UBE2G2: variants seen among roughly 807,000 people sequenced by gnomAD.
UBE2G2 encodes ubiquitin-conjugating enzyme E2 G2.
Under a neutral mutation model 23.0 loss-of-function variants are expected in UBE2G2, and 10 were observed. The ratio of observed to expected loss-of-function variants is 0.43; its 90% confidence interval spans 0.27 to 0.74. The LOEUF (loss-of-function observed/expected upper bound fraction) is 0.74, where lower values mean the gene tolerates loss of function less well. Ranked by LOEUF, UBE2G2 falls within the 30% of genes least tolerant of loss-of-function variation. The pLI, the probability that UBE2G2 is intolerant of heterozygous loss-of-function variation, is 0.19. For missense variants in UBE2G2, 150 were observed against 218.3 expected (o/e 0.69, Z 1.97); for synonymous variants, 86 against 81.3 (o/e 1.06, Z -0.31).
At chr21:44,785,708 G>GT (rs1341818168) in intron 3 of UBE2G2, 1 of 152,242 alleles carries the variant, frequency 6.6e-6, no homozygotes, top group African/African-American at 2.4e-5. Context: ...AAATAGCAGG[G>GT]TGAGACAAAT....
chr21:44,776,495 T>A (rs375429308), intron 4 of UBE2G2, among the ~76,000 whole-genome samples: 1 of 152,230 alleles, frequency 6.6e-6, no homozygotes, highest in South Asian at 2.1e-4. Flanking sequence ...CTACTTTGTA[T>A]CATTGATTCT....
intron 3 of UBE2G2, 81 bp from the exon 4 acceptor site, chr21:44,777,498 AT>A: frequency 1.4e-6 from 2 of 1,432,588 alleles, no homozygotes; most frequent in East Asian, 2.3e-5. Flanking sequence ...GGTTAAGAAC[AT>A]TTTTACCACT....
At chr21:44,794,511 G>A (rs575850299) in intron 1 of UBE2G2, among the ~76,000 whole-genome samples, 208 of 150,294 alleles carry the variant, frequency 1.4e-3, no homozygotes, top group Non-Finnish European at 2.2e-3. Context: ...GAATTTCATC[G>A]AAATAATAAA....
chr21:44,801,792 G>T lies in UBE2G2; in HGVS notation c.-44C>A, dbSNP rs1555964938. The T allele has an allele frequency of 3.3e-6, 5 of 1,502,854 alleles. No homozygotes were observed. The highest frequency in any genetic ancestry group is 2.2e-5 in the Admixed American group (1 of 44,552). The allele number at this position is 1,502,854 out of a possible 1,614,324, so 93.1% of individuals were successfully genotyped here. On this transcript the variant is annotated 5_prime_UTR_variant, in exon 1 of 6. Coordinates refer to ENST00000345496, the MANE Select transcript of UBE2G2 (RefSeq NM_003343.6). ...CCGAGCGACCTCGCCTCAGCCGCGC[G>T]CGTGCCTCCTGCCCCGACACCGGGG...
intron 1 of UBE2G2, among the ~76,000 whole-genome samples, chr21:44,797,923 G>T (rs376133565): frequency 6.6e-6 from 1 of 152,014 alleles, no homozygotes; most frequent in Non-Finnish European, 1.5e-5. Flanking sequence ...CCCTCTGTTC[G>T]AGTATGAACA....
At chr21:44,798,269 A>G (rs2083109524) in intron 1 of UBE2G2, among the ~76,000 whole-genome samples, 1 of 152,270 alleles carries the variant, frequency 6.6e-6, no homozygotes, top group African/African-American at 2.4e-5. Context: ...TTGCCGGTGC[A>G]GTCTTGCCCG....
At chr21:44,797,622 G>A (rs1320350842) in intron 1 of UBE2G2, among the ~76,000 whole-genome samples, 2 of 149,390 alleles carry the variant, frequency 1.3e-5, no homozygotes, top group Non-Finnish European at 3.0e-5. Flanking sequence ...GGCTGAGGCA[G>A]GAGAATGGCA....
At chr21:44,799,017 C>G (rs1358798965) in intron 1 of UBE2G2, among the ~76,000 whole-genome samples, 3 of 152,188 alleles carry the variant, frequency 2.0e-5, no homozygotes. Context: ...CTCCTTATAC[C>G]TCTCCATCAG....
At chr21:44,788,161 C>T in intron 1 of UBE2G2, 66 bp from the exon 2 acceptor site, 1 of 1,446,964 alleles carries the variant, frequency 6.9e-7, no homozygotes, top group Non-Finnish European at 9.4e-7. Flanking sequence ...TTTAACAAAA[C>T]ACCTTTACAA....
At position 44,787,571 on chromosome 21, in the gene UBE2G2, T is replaced by C. The variant is rs549284804; in HGVS notation, c.125+349A>G. ...CCTTTTCTCGTCAAAATTTCACACC[T>C]GAAGGGGCTACTTCTGGAAGCCAAA... On this transcript the variant is annotated intron_variant, in intron 3 of 5. Transcript: ENST00000345496. Among the ~76,000 whole-genome samples, 67 of 152,356 alleles carry C rather than the reference T, an allele frequency of 4.4e-4. No homozygotes were observed. The Middle Eastern group carries it at 0.01, about 23-fold the overall frequency.
intron 1 of UBE2G2, chr21:44,800,128 C>T (rs1038216068): frequency 2.6e-5 from 4 of 152,170 alleles, no homozygotes; most frequent in Non-Finnish European, 5.9e-5. Flanking sequence ...GAGAGAGACA[C>T]GAAGCGAGCA....
At chr21:44,777,093 GTCTTT>G in intron 4 of UBE2G2, 1 of 493,838 alleles carries the variant, frequency 2.0e-6, no homozygotes, top group Admixed American at 3.9e-5. Context: ...GGTGCCTGTT[GTCTTT>G]TATCTATATT....
At position 44,801,303 on chromosome 21, in the gene UBE2G2, G is replaced by A. The variant is rs186219361; in HGVS notation, c.43+403C>T. On this transcript the variant is annotated intron_variant, in intron 1 of 5. Coordinates refer to ENST00000345496, the MANE Select transcript of UBE2G2 (RefSeq NM_003343.6). ...TCTGACCTTTCAAAGCTCCACCAAC[G>A]AGCCTTTCCCCTTTTAACGCATACA... 73 of 1,024,852 alleles carry A rather than the reference G, an allele frequency of 7.1e-5. 2 individuals are homozygous for A. The East Asian group carries it at 2.0e-3, about 28-fold the overall frequency. The allele number at this position is 1,024,852 out of a possible 1,614,324, so 63.5% of individuals were successfully genotyped here. A position where few individuals can be genotyped will look rare whatever the true frequency, so the allele number is the denominator to read the frequency against.
chr21:44,775,209 A>G (rs2082904840), intron 4 of UBE2G2: 1 of 153,258 alleles, frequency 6.5e-6, no homozygotes. Flanking sequence ...GCCTTTGCAC[A>G]TGTGAAGGGC....
intron 1 of UBE2G2, among the ~76,000 whole-genome samples, chr21:44,794,050 GTAATTAAAAT>G (rs782597115): frequency 7.2e-5 from 11 of 152,158 alleles, no homozygotes; most frequent in Non-Finnish European, 1.6e-4. Flanking sequence ...CCTTTAAGAG[GTAATTAAAAT>G]TAATGTGGTC....
intron 3 of UBE2G2, among the ~76,000 whole-genome samples, chr21:44,779,666 G>C (rs1170372413): frequency 6.6e-6 from 1 of 152,192 alleles, no homozygotes; most frequent in Non-Finnish European, 1.5e-5. Context: ...AGTGAGGCGT[G>C]GCCACCCCGA....
chr21:44,795,876 G>T (rs2083084777), intron 1 of UBE2G2, among the ~76,000 whole-genome samples: 1 of 152,156 alleles, frequency 6.6e-6, no homozygotes, highest in Non-Finnish European at 1.5e-5. Flanking sequence ...ATGCACACAG[G>T]GGGAAGATGG....
chr21:44,783,826 T>C (rs1023382366), intron 3 of UBE2G2, among the ~76,000 whole-genome samples: 3 of 152,238 alleles, frequency 2.0e-5, no homozygotes, highest in African/African-American at 7.2e-5. Context: ...TTATACTTAA[T>C]GCAAGTAAAA....
rs1167915110 is a variant in UBE2G2 at position 44,777,356 on chromosome 21, C to A, written c.187G>T (p.Asp63Tyr). 2 of 1,613,890 alleles carry A rather than the reference C, an allele frequency of 1.2e-6. No homozygotes were observed. The highest frequency in any genetic ancestry group is 1.7e-6 in the Non-Finnish European group (2 of 1,180,016). Residue 63 changes from aspartate to tyrosine, a missense_variant, in exon 4 of 6, where the codon GAT becomes TAT. Transcript: ENST00000345496. ...VFPAILSFPL[D>Y]YPLSPPKMRF... Reference sequence around the variant, plus strand: ...ATCTTTGGGGGACTTAACGGGTAATCAAGTGGGAAACTCAGGATGGCAGGA... The same window carrying A: ...ATCTTTGGGGGACTTAACGGGTAATAAAGTGGGAAACTCAGGATGGCAGGA...
Sources: gnomAD v4.1 joint callset for allele counts (sites outside exome capture counted in the v4.1 genomes callset) on GRCh38, gnomAD v4.1.1 for gene constraint, MANE v1.5 for transcripts, NCBI Gene and HGNC (gene_info 2026-07-23, HGNC 2026-07-21) for gene names.